Variants in THOC1 observed in about 807,000 individuals in gnomAD.
THOC1 encodes the protein THO complex subunit 1.
Under a neutral mutation model 97.3 loss-of-function variants are expected in THOC1, and 29 were observed. That is an observed-to-expected ratio of 0.30 (90% CI 0.22 to 0.41). The LOEUF (loss-of-function observed/expected upper bound fraction) is 0.41, where lower values mean the gene tolerates loss of function less well. Among genes scored for constraint, THOC1 ranks in the 10% least tolerant of loss-of-function variants. The pLI, the probability that THOC1 is intolerant of heterozygous loss-of-function variation, is 1.00. For synonymous variants in THOC1, 255 were observed against 257.0 expected (o/e 0.99, Z 0.07); for missense variants, 529 against 761.9 (o/e 0.69, Z 3.60).
At chr18:267,885 G>A (rs563696448) in intron 1 of THOC1, 81 bp downstream of exon 1, 9 of 1,439,728 alleles carry the variant, frequency 6.3e-6, no homozygotes, top group Admixed American at 2.2e-5. Context: ...TTTACCCCAG[G>A]GCAAAATTCG....
At chr18:234,144 TTGC>T (rs1911592560) in intron 11 of THOC1, among the ~76,000 whole-genome samples, 1 of 152,230 alleles carries the variant, frequency 6.6e-6, no homozygotes, top group African/African-American at 2.4e-5. Context: ...TCTTGCAATC[TTGC>T]TGAAGTTTCA....
intron 8 of THOC1, among the ~76,000 whole-genome samples, 195 bp from the exon 9 acceptor site, chr18:252,807 A>G (rs1912323770): frequency 6.6e-6 from 1 of 152,234 alleles, no homozygotes; most frequent in South Asian, 2.1e-4. Flanking sequence ...ACTCAAGAGC[A>G]GTATGACAAT....
chr18:232,970 CAAAT>C (rs1162475427), intron 11 of THOC1, among the ~76,000 whole-genome samples: 1 of 152,112 alleles, frequency 6.6e-6, no homozygotes, highest in East Asian at 1.9e-4. Context: ...ATGTAGGTGA[CAAAT>C]AATCTTCTCC....
chr18:228,762 ATCTCAGCTGAAAGTG>A (rs776987992), intron 11 of THOC1, among the ~76,000 whole-genome samples: 17 of 152,192 alleles, frequency 1.1e-4, no homozygotes, highest in Non-Finnish European at 2.1e-4. Flanking sequence ...CAGGATTCCA[ATCTCAGCTGAAAGTG>A]AGGTGCCTGA....
At chr18:253,090 A>G (rs949537552) in intron 8 of THOC1, among the ~76,000 whole-genome samples, 3 of 152,230 alleles carry the variant, frequency 2.0e-5, no homozygotes, top group East Asian at 1.9e-4. Context: ...AATTAAGCCA[A>G]TATTTTTTAA....
At chr18:216,380 T>A in intron 19 of THOC1, 106 bp downstream of exon 19, 1 of 1,225,620 alleles carries the variant, frequency 8.2e-7, no homozygotes. Flanking sequence ...AGCTTGTGGA[T>A]CACTGGTTTT....
rs1471722246 is a variant in THOC1, at chr18:257,887, TATA to T, written c.520+1290_520+1292del. Among the ~76,000 whole-genome samples, 15 of 151,782 alleles carry T rather than the reference TATA, an allele frequency of 9.9e-5. No homozygotes were observed. The East Asian group carries it at 2.5e-3, about 26-fold the overall frequency. On this transcript the variant is annotated intron_variant, in intron 7 of 20. Transcript: ENST00000261600. Reference sequence around the variant, plus strand: ...AAAAACAGAGGATACAGTGAGAAGGTATAATGGATGTTTAATTGAAGTTCCAGA... The same window carrying T: ...AAAAACAGAGGATACAGTGAGAAGGTATGGATGTTTAATTGAAGTTCCAGA...
chr18:223,929 A>G (rs957695273), intron 16 of THOC1, among the ~76,000 whole-genome samples, 155 bp downstream of exon 16: 1 of 152,200 alleles, frequency 6.6e-6, no homozygotes, highest in Non-Finnish European at 1.5e-5. Flanking sequence ...ATGAACCCAC[A>G]CAATGGGCAG....
chr18:246,317 CTT>C lies in THOC1; in HGVS notation c.918+5_918+6del, dbSNP rs1912085823. ...TATTATGCTTAATGAAAAAGAAAAA[CTT>C]ATACCTTTTCACTTGTTAAAAATTT... On this transcript the variant is annotated splice_donor_5th_base_variant and intron_variant, in intron 11 of 20. Coordinates refer to ENST00000261600, the MANE Select transcript of THOC1 (RefSeq NM_005131.3). The C allele has an allele frequency of 6.5e-7, 1 of 1,535,220 alleles. No individual in the cohort carries two copies. The highest frequency in any genetic ancestry group is 1.4e-5 in the African/African-American group (1 of 72,232).
rs778861423 is a variant in THOC1, at chr18:225,437, T to TA, written c.1020-35dup. The TA allele has an allele frequency of 2.8e-5, 44 of 1,576,404 alleles. No individual in the cohort carries two copies. The East Asian group carries it at 9.4e-4, about 34-fold the overall frequency. ...CAAAGCAATGAAAGCATGCTTGAGTTACAGCAATGCATATGCAACTTTAAG... is the reference window on the plus strand; with the variant it reads ...CAAAGCAATGAAAGCATGCTTGAGTTAACAGCAATGCATATGCAACTTTAAG... On this transcript the variant is annotated intron_variant, in intron 12 of 20. Coordinates refer to ENST00000261600, the MANE Select transcript of THOC1 (RefSeq NM_005131.3).
chr18:249,045 C>T (rs551148673), intron 9 of THOC1, among the ~76,000 whole-genome samples: 39 of 152,240 alleles, frequency 2.6e-4, no homozygotes, highest in South Asian at 4.1e-4. Context: ...CCACTGCACC[C>T]GGCCTATTCT....
In THOC1 at chr18:224,797, C is replaced by T. The variant is rs904825522; in HGVS notation, c.1208+127G>A. 3 of 774,444 alleles carry T rather than the reference C, an allele frequency of 3.9e-6. No homozygotes were observed. In the Admixed American group the frequency reaches 8.4e-5, roughly 22 times the overall value. 48.0% of individuals were successfully genotyped at this position (774,444 alleles called of 1,614,324 possible). A position where few individuals can be genotyped will look rare whatever the true frequency, so the allele number is the denominator to read the frequency against. On this transcript the variant is annotated intron_variant, in intron 15 of 20. Transcript: ENST00000261600. ...TTGTACTCTTACAAAGTTCAACTTA[C>T]ATTTTTTATGTGAAATATATACATG...
intron 11 of THOC1, among the ~76,000 whole-genome samples, chr18:231,049 G>A (rs1911469221): frequency 6.6e-6 from 1 of 152,162 alleles, no homozygotes; most frequent in Admixed American, 6.5e-5. Context: ...ATCATGCCTG[G>A]CCCAAATGTT....
chr18:240,620 T>C (rs1911863822), intron 11 of THOC1, among the ~76,000 whole-genome samples: 1 of 152,168 alleles, frequency 6.6e-6, no homozygotes, highest in Non-Finnish European at 1.5e-5. Flanking sequence ...GACATGACTG[T>C]CAGCAAAAGA....
Position 214,618 on chromosome 18 carries a change from AAAAG to A in THOC1, c.*4_*7del, listed in dbSNP as rs1469786886. ...TCACAGTTTTAATAAAAAGAAAAAAAAAAGAAGCTAACTATTTGTCTCATTGTCA... is the reference window on the plus strand; with the variant it reads ...TCACAGTTTTAATAAAAAGAAAAAAAAAGCTAACTATTTGTCTCATTGTCA... On this transcript the variant is annotated 3_prime_UTR_variant, in exon 21 of 21. Transcript: ENST00000261600. 1 of 1,584,508 alleles carries A rather than the reference AAAAG, an allele frequency of 6.3e-7. No homozygotes were observed. The highest frequency in any genetic ancestry group is 1.8e-5 in the Admixed American group (1 of 54,128).
At chr18:248,931 T>C (rs2143260766) in intron 9 of THOC1, among the ~76,000 whole-genome samples, 1 of 152,178 alleles carries the variant, frequency 6.6e-6, no homozygotes, top group East Asian at 1.9e-4. Context: ...TTTGTATTTT[T>C]AGTAGAGACA....
At chr18:267,112 A>C (rs751199948) in intron 1 of THOC1, among the ~76,000 whole-genome samples, 8 of 152,110 alleles carry the variant, frequency 5.3e-5, no homozygotes, top group Non-Finnish European at 1.2e-4. Flanking sequence ...TGGCATCCCT[A>C]TAACTACCAA....
Position 242,949 on chromosome 18 carries a change from G to A in THOC1, c.918+3375C>T, listed in dbSNP as rs1235763777. On this transcript the variant is annotated intron_variant, in intron 11 of 20. Coordinates refer to ENST00000261600, the MANE Select transcript of THOC1 (RefSeq NM_005131.3). The surrounding 1 kb of genome is among the most constrained non-coding windows in gnomAD (Gnocchi z 4.5). ...GCATATTTTCCATGATACACGTAATGCATTACAAATATTTTCACTTGTATA... is the reference window on the plus strand; with the variant it reads ...GCATATTTTCCATGATACACGTAATACATTACAAATATTTTCACTTGTATA... 6.6e-6 allele frequency among the ~76,000 whole-genome samples: 1 copy of A among 152,072 alleles called. No homozygotes were observed.
chr18:240,466 A>T (rs1268041195), intron 11 of THOC1, among the ~76,000 whole-genome samples: 3 of 152,364 alleles, frequency 2.0e-5, no homozygotes, highest in Non-Finnish European at 4.4e-5. Flanking sequence ...TCAGGACCAG[A>T]GTTCAAAAAT....
Sources: gnomAD v4.1 joint callset for allele counts (sites outside exome capture counted in the v4.1 genomes callset) on GRCh38, gnomAD v4.1.1 for gene constraint, Gnocchi (gnomAD v3.1) non-coding constraint, MANE v1.5 for transcripts, NCBI Gene and HGNC (gene_info 2026-07-23, HGNC 2026-07-21) for gene names.